The following DENND1A variants were observed in gnomAD, a reference collection of about 807,000 sequenced individuals.
DENND1A encodes the protein DENN domain containing 1A, also known as DENN domain-containing protein 1A.
A neutral mutation model predicts 113.7 loss-of-function variants in DENND1A; 51 were observed. That is an observed-to-expected ratio of 0.45 (90% CI 0.36 to 0.57). DENND1A has a LOEUF of 0.57. Among genes scored for constraint, DENND1A ranks in the 20% least tolerant of loss-of-function variants. The pLI, the probability that DENND1A is intolerant of heterozygous loss-of-function variation, is 0.00. For synonymous variants in DENND1A, 565 were observed against 570.8 expected (o/e 0.99, Z 0.14); for missense variants, 1,258 against 1,395.9 (o/e 0.90, Z 1.57).
At chr9:123,925,741 A>C (rs1251152927) in intron 1 of DENND1A, among the ~76,000 whole-genome samples, 1 of 152,196 alleles carries the variant, frequency 6.6e-6, no homozygotes, top group East Asian at 1.9e-4. Context: ...TTGGTCACTA[A>C]CCTCACAGAG....
intron 13 of DENND1A, among the ~76,000 whole-genome samples, chr9:123,549,692 G>A (rs931654003): frequency 2.0e-5 from 3 of 152,106 alleles, no homozygotes; most frequent in African/African-American, 7.2e-5. Context: ...GGAAATTATG[G>A]TAGTTATACT....
intron 5 of DENND1A, among the ~76,000 whole-genome samples, chr9:123,681,209 T>C (rs1282812627): frequency 2.0e-5 from 3 of 149,276 alleles, no homozygotes; most frequent in Non-Finnish European, 4.4e-5. Flanking sequence ...CTATGTGGAG[T>C]GGAGGGCCTG....
chr9:123,801,248 A>C (rs1834615200), intron 2 of DENND1A, among the ~76,000 whole-genome samples: 2 of 152,196 alleles, frequency 1.3e-5, no homozygotes, highest in Admixed American at 1.3e-4. Flanking sequence ...CACAATCACC[A>C]CTATCCATCT....
intron 1 of DENND1A, among the ~76,000 whole-genome samples, chr9:123,916,801 G>A (rs1855227171): frequency 6.6e-6 from 1 of 152,066 alleles, no homozygotes; most frequent in South Asian, 2.1e-4. Flanking sequence ...TTGTAGCTTT[G>A]GCTTTGAAAC....
At chr9:123,621,245 G>A (rs922518417) in intron 10 of DENND1A, among the ~76,000 whole-genome samples, 3 of 151,002 alleles carry the variant, frequency 2.0e-5, no homozygotes, top group African/African-American at 7.3e-5. Flanking sequence ...GAGTGCAGTG[G>A]CACGATCTTG....
At chr9:123,556,448 T>C (rs1023231902) in intron 13 of DENND1A, among the ~76,000 whole-genome samples, 7 of 152,252 alleles carry the variant, frequency 4.6e-5, no homozygotes, top group African/African-American at 2.4e-5. Context: ...CAATGTATAA[T>C]TGCGGCTTAC....
intron 9 of DENND1A, 112 bp from the exon 10 acceptor site, chr9:123,630,588 A>G: frequency 1.6e-6 from 1 of 629,054 alleles, no homozygotes; most frequent in Non-Finnish European, 2.4e-6. Flanking sequence ...TGATAAGCTG[A>G]AAAACCTGGA....
At chr9:123,625,924 T>G (rs2061189908) in intron 10 of DENND1A, among the ~76,000 whole-genome samples, 1 of 152,150 alleles carries the variant, frequency 6.6e-6, no homozygotes, top group Non-Finnish European at 1.5e-5. Flanking sequence ...CAGGGTCTCA[T>G]TCTGTCACCC....
chr9:123,771,069 T>C (rs939215660), intron 3 of DENND1A, among the ~76,000 whole-genome samples: 1 of 152,140 alleles, frequency 6.6e-6, no homozygotes, highest in Non-Finnish European at 1.5e-5. Flanking sequence ...AATTAATGAA[T>C]AGGAAACTAA....
At position 123,583,326 on chromosome 9, in the gene DENND1A, C is replaced by T. The variant is rs533365731; in HGVS notation, c.766-56G>A. ...GTCATTGAGGTGCCATCAAGACACA[C>T]TTCCCCTGCCTTCTCTGGGGAAGAG... On this transcript the variant is annotated intron_variant, in intron 11 of 23. Transcript: ENST00000394215. The T allele has an allele frequency of 6.5e-5, 83 of 1,273,842 alleles. No homozygotes were observed. In the African/African-American group the frequency reaches 1.1e-3, roughly 17 times the overall value. The allele number at this position is 1,273,842 out of a possible 1,614,324, so 78.9% of individuals were successfully genotyped here. A position where few individuals can be genotyped will look rare whatever the true frequency, so the allele number is the denominator to read the frequency against.
intron 10 of DENND1A, among the ~76,000 whole-genome samples, chr9:123,625,202 A>G (rs568943944): frequency 6.6e-6 from 1 of 152,340 alleles, no homozygotes; most frequent in Admixed American, 6.5e-5. Context: ...AAAAGTTACT[A>G]AAGCTCTTGG....
At chr9:123,703,033 G>A (rs55744133) in intron 5 of DENND1A, among the ~76,000 whole-genome samples, 11,565 of 152,248 alleles carry the variant, frequency 0.076, 878 homozygotes, top group African/African-American at 0.2. Flanking sequence ...CCAGGCTGGA[G>A]TGTAGTGGCG....
At chr9:123,877,003 C>T (rs975660007) in intron 2 of DENND1A, among the ~76,000 whole-genome samples, 4 of 151,948 alleles carry the variant, frequency 2.6e-5, no homozygotes, top group African/African-American at 4.8e-5. Context: ...GATGTGTACA[C>T]GTGGTCATAG....
At chr9:123,434,502 A>C (rs1482128282) in intron 19 of DENND1A, among the ~76,000 whole-genome samples, 1 of 152,238 alleles carries the variant, frequency 6.6e-6, no homozygotes, top group Non-Finnish European at 1.5e-5. Flanking sequence ...TTATTCCTTA[A>C]TTTAAACATC....
intron 18 of DENND1A, among the ~76,000 whole-genome samples, chr9:123,442,570 C>G (rs978776432): frequency 2.0e-5 from 3 of 151,134 alleles, no homozygotes; most frequent in Non-Finnish European, 2.9e-5. Context: ...AAATTTTGTG[C>G]GTGGGTGTGT....
At chr9:123,412,674 T>C (rs533172912) in intron 19 of DENND1A, among the ~76,000 whole-genome samples, 34 of 152,342 alleles carry the variant, frequency 2.2e-4, no homozygotes, top group African/African-American at 7.9e-4. Context: ...CGCCCAGCAG[T>C]GTCCTTTCAA....
At chr9:123,810,591 ATAAAC>A (rs1836415373) in intron 2 of DENND1A, among the ~76,000 whole-genome samples, 1 of 149,980 alleles carries the variant, frequency 6.7e-6, no homozygotes, top group Admixed American at 6.6e-5. Context: ...ACGAAAGCTG[ATAAAC>A]TAAAGGAAAA....
chr9:123,572,365 T>C (rs570628662), intron 12 of DENND1A, among the ~76,000 whole-genome samples: 1 of 152,352 alleles, frequency 6.6e-6, no homozygotes, highest in Admixed American at 6.5e-5. Context: ...GACGTCTGTA[T>C]TGTTTCTGGT....
At chr9:123,833,421 G>T (rs1035121027) in intron 2 of DENND1A, among the ~76,000 whole-genome samples, 1 of 152,072 alleles carries the variant, frequency 6.6e-6, no homozygotes, top group Admixed American at 6.5e-5. Context: ...CTTTTTGGCA[G>T]ACAATTTTTT....
Sources: gnomAD v4.1 joint callset for allele counts (sites outside exome capture counted in the v4.1 genomes callset) on GRCh38, gnomAD v4.1.1 for gene constraint, MANE v1.5 for transcripts, NCBI Gene and HGNC (gene_info 2026-07-23, HGNC 2026-07-21) for gene names.